The following RYR1 variants were observed in gnomAD, a reference collection of about 807,000 sequenced individuals.
RYR1 encodes central core disease of muscle.
In RYR1, 342 loss-of-function variants were observed where a neutral mutation model predicts 583.5. The ratio of observed to expected loss-of-function variants is 0.59; its 90% CI spans 0.54 to 0.64. The LOEUF is 0.64. Among genes scored for constraint, RYR1 ranks in the 30% least tolerant of loss-of-function variants. The probability of loss-of-function intolerance (pLI) is 0.00; values close to 1 mark genes in which losing one functional copy is unlikely to be tolerated. For synonymous variants in RYR1, 2,791 were observed against 2,822.5 expected (o/e 0.99, Z 0.35); for missense variants, 6,032 against 6,917.2 (o/e 0.87, Z 4.54).
At chr19:38,506,984 GC>G (rs1568514378) in intron 57 of RYR1, 32 bp downstream of exon 57, 2 of 1,611,886 alleles carry the variant, frequency 1.2e-6, no homozygotes, top group Non-Finnish European at 1.7e-6. Context: ...CGGAAGAGCA[GC>G]AGGCAGAACA....
intron 84 of RYR1, among the ~76,000 whole-genome samples, chr19:38,541,798 C>A (rs184345143): frequency 6.6e-6 from 1 of 151,794 alleles, no homozygotes; most frequent in African/African-American, 2.4e-5. Context: ...TTCACAAGGG[C>A]AGGGGCTGGA....
intron 76 of RYR1, 119 bp downstream of exon 76, chr19:38,529,176 C>T (rs769249837): frequency 3.1e-6 from 3 of 974,674 alleles, no homozygotes; most frequent in South Asian, 1.4e-5. Flanking sequence ...CCAAGACAGA[C>T]GGATCTTTAA....
intron 16 of RYR1, 47 bp from the exon 17 acceptor site, chr19:38,457,450 C>T (rs1205203456): frequency 3.1e-6 from 5 of 1,613,954 alleles, no homozygotes; most frequent in Non-Finnish European, 8.5e-7. Flanking sequence ...TCTGTAGATC[C>T]TGCCCTGGTG....
intron 92 of RYR1, 44 bp from the exon 93 acceptor site, chr19:38,567,729 G>T (rs1361730857): frequency 1.2e-6 from 2 of 1,614,118 alleles, no homozygotes; most frequent in East Asian, 2.2e-5. Flanking sequence ...CTCATGCATT[G>T]CCTGCCCAGG....
At chr19:38,449,933 C>T (rs1966991378) in intron 11 of RYR1, among the ~76,000 whole-genome samples, 1 of 152,194 alleles carries the variant, frequency 6.6e-6, no homozygotes, top group African/African-American at 2.4e-5. Context: ...CATTATATTA[C>T]ACAGGCTGGT....
At position 38,573,050 on chromosome 19, in the gene RYR1, T is replaced by C. The variant is rs1453432570; in HGVS notation, c.13999-127T>C. 16 of 1,483,242 alleles carry C rather than the reference T, an allele frequency of 1.1e-5. No homozygotes were observed. The Admixed American group carries it at 2.7e-4, about 25-fold the overall frequency. The allele number at this position is 1,483,242 out of a possible 1,614,324, so 91.9% of individuals were successfully genotyped here. Reference sequence around the variant, plus strand: ...TCTGCCTGGGCCTCATTTCTACCCTTATCACTGGGAAAGCACTTCTGATGT... The same window carrying C: ...TCTGCCTGGGCCTCATTTCTACCCTCATCACTGGGAAAGCACTTCTGATGT... On this transcript the variant is annotated intron_variant, in intron 95 of 105. Coordinates refer to ENST00000359596, the MANE Select transcript of RYR1 (RefSeq NM_000540.3).
At chr19:38,587,294 A>G (rs759400814) in intron 105 of RYR1, 31 bp from the exon 106 acceptor site, 5 of 1,435,522 alleles carry the variant, frequency 3.5e-6, no homozygotes, top group East Asian at 2.3e-5. Flanking sequence ...TGAAGATGTG[A>G]CCAATGAACT....
intron 66 of RYR1, among the ~76,000 whole-genome samples, chr19:38,518,940 A>AG (rs1392013398): frequency 6.6e-6 from 1 of 151,868 alleles, no homozygotes; most frequent in Non-Finnish European, 1.5e-5. Flanking sequence ...AAAAAAAAAA[A>AG]AAGTTAGGTA....
chr19:38,516,186 G>T lies in RYR1; in HGVS notation c.9654G>T (p.Val3218=), dbSNP rs762317991. 1.3e-6 allele frequency: 2 copies of T among 1,575,326 alleles called. No individual in the cohort carries two copies. Among genetic ancestry groups the T allele is most frequent in the African/African-American group, 2.7e-5 (2 of 74,130 alleles). Residue 3218 remains valine, a synonymous_variant, in exon 65 of 106, where the codon GTG becomes GTT. Transcript: ENST00000359596. The part of the protein sequence containing the change: ...PQLNEYNACS[V]YTTKSPRERA... The stretch of plus-strand genomic sequence containing the variant: ...TGAACGAGTACAACGCCTGCTCCGT[G>T]TACACCACCAAGTCTCCGCGGGAGC...
intron 31 of RYR1, among the ~76,000 whole-genome samples, chr19:38,480,855 G>A (rs1002529334): frequency 3.3e-5 from 5 of 151,750 alleles, no homozygotes; most frequent in Admixed American, 3.3e-4. Context: ...AGCCTCCTAA[G>A]TATGTGAGAT....
chr19:38,561,921 C>T lies in RYR1; in HGVS notation c.12624+467C>T, dbSNP rs531105025. Among the ~76,000 whole-genome samples, 17 of 152,242 alleles carry T rather than the reference C, an allele frequency of 1.1e-4. No homozygotes were observed. Among genetic ancestry groups the T allele is most frequent in the African/African-American group, 2.9e-4 (12 of 41,546 alleles). On this transcript the variant is annotated intron_variant, in intron 90 of 105. Coordinates refer to ENST00000359596, the MANE Select transcript of RYR1 (RefSeq NM_000540.3). This position sits in a 1 kb window ranked among gnomAD's most constrained non-coding sequence, Gnocchi z 4.8. ...GCTCATGCTCACTCTTGTACACGCT[C>T]GCCTTGGGGGCTCTGGGGTGCCCTG...
chr19:38,470,302 G>A (rs1968354318), intron 27 of RYR1, among the ~76,000 whole-genome samples: 1 of 151,994 alleles, frequency 6.6e-6, no homozygotes, highest in Non-Finnish European at 1.5e-5. Context: ...GCTGGGTGCT[G>A]TGGCACATGC....
chr19:38,455,360 T>C lies in RYR1; in HGVS notation c.1566T>C (p.Tyr522=). Residue 522 remains tyrosine (Y), a synonymous_variant, in exon 14 of 106, where the codon TAT becomes TAC. Coordinates refer to ENST00000359596, the MANE Select transcript of RYR1 (RefSeq NM_000540.3). ...GGAAAGAGATTGTGAATCTTCTCTA[T>C]GAACTCCTAGGTAGGGGTCCCAGTC... ...ESWKEIVNLL[Y]ELLASLIRGN... 2 of 1,614,118 alleles carry C rather than the reference T, an allele frequency of 1.2e-6. No individual in the cohort carries two copies. Among genetic ancestry groups the C allele is most frequent in the South Asian group, 2.2e-5 (2 of 91,080 alleles).
Position 38,543,444 on chromosome 19 carries a change from G to A in RYR1, c.11778+9G>A, listed in dbSNP as rs371213685. On this transcript the variant is annotated intron_variant, in intron 85 of 105. Transcript: ENST00000359596. This position sits in a 1 kb window ranked among gnomAD's most constrained non-coding sequence, Gnocchi z 4.4. ...ACCTCCTGCGGCTGCAGGTGAGGAC[G>A]TGAGACGGTTCAGGTGTGACTTGGG... 1.1e-5 allele frequency: 17 copies of A among 1,614,234 alleles called. No homozygotes were observed. Among genetic ancestry groups the A allele is most frequent in the Non-Finnish European group, 1.4e-5 (17 of 1,180,046 alleles).
intron 63 of RYR1, 32 bp from the exon 64 acceptor site, chr19:38,514,994 C>G: frequency 6.5e-7 from 1 of 1,541,192 alleles, no homozygotes; most frequent in Non-Finnish European, 9.0e-7. Flanking sequence ...CTTGTGAGCG[C>G]ATGCCGCAGC....
At chr19:38,530,529 C>T (rs1415444946) in intron 76 of RYR1, among the ~76,000 whole-genome samples, 1 of 151,888 alleles carries the variant, frequency 6.6e-6, no homozygotes, top group East Asian at 1.9e-4. Context: ...CTCAGCCTCC[C>T]AAAGTGTTGG....
Position 38,458,199 on chromosome 19 carries a change from A to G in RYR1, c.2074A>G (p.Thr692Ala), listed in dbSNP as rs763679528. Reference sequence around the variant, plus strand: ...GGGCTGGGCCCTCACCGAGGGCTACACCCCCTACCCTGGGGCCGGCGAGGG... The same window carrying G: ...GGGCTGGGCCCTCACCGAGGGCTACGCCCCCTACCCTGGGGCCGGCGAGGG... The part of the protein sequence containing the change: ...RVGWALTEGY[T>A]PYPGAGEGWG... Residue 692 changes from threonine to alanine, a missense_variant, in exon 18 of 106, where the codon ACC becomes GCC. This residue lies in a region of RYR1 where 2,627 missense variants were observed against 2,961.3 expected (regional missense o/e 0.89). Transcript: ENST00000359596. 5.0e-6 allele frequency: 8 copies of G among 1,613,698 alleles called. No homozygotes were observed. The South Asian group carries it at 5.5e-5, about 11-fold the overall frequency.
At chr19:38,563,267 G>A (rs544699779) in intron 90 of RYR1, among the ~76,000 whole-genome samples, 6 of 152,164 alleles carry the variant, frequency 3.9e-5, no homozygotes, top group African/African-American at 9.7e-5. Flanking sequence ...GTAACACTAC[G>A]GTGTTGTTGT....
chr19:38,532,668 C>T lies in RYR1; in HGVS notation c.11194-3C>T, dbSNP rs758196929. On this transcript the variant is annotated splice_region_variant and splice_polypyrimidine_tract_variant and intron_variant, in intron 77 of 105. Coordinates refer to ENST00000359596, the MANE Select transcript of RYR1 (RefSeq NM_000540.3). ...CATCCCTTAACTGATGCCCCCTCCC[C>T]AGAGCTGCCACCTGGAGGAGGGAGG... 80 of 1,613,992 alleles carry T rather than the reference C, an allele frequency of 5.0e-5. No individual in the cohort carries two copies. Among genetic ancestry groups the T allele is most frequent in the Non-Finnish European group, 6.6e-5 (78 of 1,180,040 alleles).
Sources: gnomAD v4.1 joint callset for allele counts (sites outside exome capture counted in the v4.1 genomes callset) on GRCh38, gnomAD v4.1.1 for gene constraint, gnomAD v4.1.1 regional missense constraint, Gnocchi (gnomAD v3.1) non-coding constraint, MANE v1.5 for transcripts, NCBI Gene and HGNC (gene_info 2026-07-23, HGNC 2026-07-21) for gene names.